The following TRPC6 variants were observed in gnomAD, a reference collection of about 807,000 sequenced individuals.
The protein encoded by TRPC6 is short transient receptor potential channel 6.
TRPC6 carries 55 observed loss-of-function variants against 90.7 expected under a neutral mutation model. That is an observed-to-expected ratio of 0.61 (90% CI 0.49 to 0.76). The LOEUF is 0.76. TRPC6 is among the 30% of genes least tolerant of loss of function. The probability of loss-of-function intolerance (pLI) is 0.00; values close to 1 mark genes in which losing one functional copy is unlikely to be tolerated. For missense variants in TRPC6, 989 were observed against 1,122.7 expected, an observed-to-expected ratio of 0.88 and a Z score of 1.70; for synonymous variants, 393 against 393.0, an observed-to-expected ratio of 1.00 and a Z score of 0.00.
chr11:101,504,487 A>G lies in TRPC6; in HGVS notation c.482T>C (p.Val161Ala). 1 of 1,613,996 alleles carries G rather than the reference A, an allele frequency of 6.2e-7. No homozygotes were observed. Among genetic ancestry groups the G allele is most frequent in the Non-Finnish European group, 8.5e-7 (1 of 1,179,986 alleles). Residue 161 changes from valine (V) to alanine (A), a missense_variant, in exon 2 of 13, where the codon GTT becomes GCT. Around this residue, in one of 4 missense-constraint regions of TRPC6, gnomAD observed 486 missense variants for 591.9 expected, o/e 0.82. Coordinates refer to ENST00000344327, the MANE Select transcript of TRPC6 (RefSeq NM_004621.6). ...LLLKKENLSR[V>A]GDALLLAISK... Reference sequence around the variant, plus strand: ...AATAGCTAGAAGCAAAGCATCCCCAACTCGAGAGAGGTTTTCTTTCTTGAG... The same window carrying G: ...AATAGCTAGAAGCAAAGCATCCCCAGCTCGAGAGAGGTTTTCTTTCTTGAG...
In TRPC6 at chr11:101,472,253, G is replaced by A. The variant is rs1381410936; in HGVS notation, c.2089C>T (p.His697Tyr). The change falls in exon 8 of 13, where the codon CAC (histidine) becomes TAC (tyrosine). Residue 697 changes from histidine (H) to tyrosine (Y), a missense_variant. Physicochemically the swap from His to Tyr is moderately conservative, Grantham distance 83. Around this residue, in one of 4 missense-constraint regions of TRPC6, gnomAD observed 118 missense variants for 197.6 expected, o/e 0.60. Coordinates refer to ENST00000344327, the MANE Select transcript of TRPC6 (RefSeq NM_004621.6). ...TAACCAATGTTTTCAATGAATTTGT[G>A]GTTATAGTTGATGACCACTGATTTC... ...EVKSVVINYN[H>Y]KFIENIGYVL... is the part of the protein sequence containing the mutation. 1 of 1,613,034 alleles carries A rather than the reference G, an allele frequency of 6.2e-7. No individual in the cohort carries two copies. The highest frequency in any genetic ancestry group is 1.3e-5 in the African/African-American group (1 of 74,842).
Position 101,453,694 on chromosome 11 carries a change from A to G in TRPC6, c.2600T>C (p.Val867Ala). 2.5e-6 allele frequency: 4 copies of G among 1,613,916 alleles called. No individual in the cohort carries two copies. The highest frequency in any genetic ancestry group is 3.4e-6 in the Non-Finnish European group (4 of 1,179,838). ...CTCCTTATCTATCTGGGCCTGCAGT[A>G]CATATCTTTTAATGAGCCTTTTCAT... is the stretch of plus-strand genomic sequence containing the variant. ...KIMKRLIKRY[V>A]LQAQIDKESD... Residue 867 changes from valine to alanine, a missense_variant, in exon 12 of 13, where the codon GTA (valine) becomes GCA (alanine). By Grantham distance (64) the Val-to-Ala change is moderately conservative (BLOSUM62 0). Around this residue, in one of 4 missense-constraint regions of TRPC6, gnomAD observed 191 missense variants for 196.7 expected, o/e 0.97. Transcript: ENST00000344327.
At chr11:101,516,753 T>C (rs887143363) in intron 1 of TRPC6, among the ~76,000 whole-genome samples, 13 of 152,204 alleles carry the variant, frequency 8.5e-5, no homozygotes, top group Admixed American at 3.9e-4. Flanking sequence ...ATGAATTTCA[T>C]CCTGGGAACG....
chr11:101,460,070 G>A (rs1230325485), intron 10 of TRPC6, among the ~76,000 whole-genome samples: 1 of 152,268 alleles, frequency 6.6e-6, no homozygotes, highest in South Asian at 2.1e-4. Context: ...GTTCAATACT[G>A]TTACTCTATC....
chr11:101,488,569 GC>G (rs1163440166), intron 4 of TRPC6, among the ~76,000 whole-genome samples: 4 of 152,272 alleles, frequency 2.6e-5, no homozygotes, highest in Admixed American at 2.0e-4. Flanking sequence ...TGAAATATAT[GC>G]TCAATGGTAC....
intron 1 of TRPC6, among the ~76,000 whole-genome samples, chr11:101,512,664 C>A (rs924607303): frequency 5.3e-5 from 8 of 152,060 alleles, no homozygotes; most frequent in Admixed American, 4.6e-4. Flanking sequence ...AGAACTGAGT[C>A]CTTGGGGATC....
chr11:101,501,128 CA>C (rs1860111955), intron 2 of TRPC6, among the ~76,000 whole-genome samples: 1 of 150,802 alleles, frequency 6.6e-6, no homozygotes, highest in African/African-American at 2.4e-5. Flanking sequence ...TACATACATA[CA>C]TACCATGAAC....
At chr11:101,460,068 C>A (rs1858971076) in intron 10 of TRPC6, among the ~76,000 whole-genome samples, 2 of 152,160 alleles carry the variant, frequency 1.3e-5, no homozygotes, top group Non-Finnish European at 2.9e-5. Context: ...TAGTTCAATA[C>A]TGTTACTCTA....
At chr11:101,553,040 A>C (rs1015913539) in intron 1 of TRPC6, among the ~76,000 whole-genome samples, 2 of 152,132 alleles carry the variant, frequency 1.3e-5, no homozygotes, top group Non-Finnish European at 2.9e-5. Context: ...GGGTTTGCAG[A>C]AATTCAGGAA....
intron 8 of TRPC6, 38 bp from the exon 9 acceptor site, chr11:101,471,424 A>G: frequency 6.2e-7 from 1 of 1,602,918 alleles, no homozygotes; most frequent in East Asian, 2.2e-5. Flanking sequence ...AAGGAAATGC[A>G]TAAACAGAAT....
intron 2 of TRPC6, among the ~76,000 whole-genome samples, chr11:101,498,848 A>G (rs868259164): frequency 8.5e-5 from 13 of 152,158 alleles, no homozygotes; most frequent in Admixed American, 7.2e-4. Context: ...TGTAGCAAGC[A>G]AGAGAGAGTC....
Position 101,582,383 on chromosome 11 carries a change from C to A in TRPC6, c.170+951G>T, listed in dbSNP as rs964289384. The stretch of plus-strand genomic sequence containing the variant: ...TATAGAGCTGAGAACCTCGGGAAAC[C>A]GCTTGCGGGTGGATGTGACAAGTCA... On this transcript the variant is annotated intron_variant, in intron 1 of 12. Coordinates refer to ENST00000344327, the MANE Select transcript of TRPC6 (RefSeq NM_004621.6). 2.6e-5 allele frequency among the ~76,000 whole-genome samples: 4 copies of A among 152,080 alleles called. No individual in the cohort carries two copies. In the South Asian group the frequency reaches 6.2e-4, roughly 24 times the overall value.
intron 1 of TRPC6, among the ~76,000 whole-genome samples, chr11:101,569,043 C>T (rs565207892): frequency 3.9e-5 from 6 of 152,134 alleles, no homozygotes; most frequent in African/African-American, 9.6e-5. Flanking sequence ...GCTAAATGCC[C>T]CAATTAAAAG....
chr11:101,484,591 T>G (rs1253057493), intron 4 of TRPC6, among the ~76,000 whole-genome samples: 1 of 107,786 alleles, frequency 9.3e-6, no homozygotes, highest in Non-Finnish European at 1.9e-5. Flanking sequence ...CTCTCTCTCA[T>G]GCTATGTGTG....
chr11:101,452,453 A>T lies in TRPC6; in HGVS notation c.*502T>A. On this transcript the variant is annotated 3_prime_UTR_variant, in exon 13 of 13. Transcript: ENST00000344327. The stretch of plus-strand genomic sequence containing the variant: ...ATGTGCATTGAGGGATAAGTAGGGT[A>T]AATGGTGTTTAAACAGCATTCTAAA... 6.2e-6 allele frequency: 1 copy of T among 161,222 alleles called. No individual in the cohort carries two copies. Among genetic ancestry groups the T allele is most frequent in the Non-Finnish European group, 1.4e-5 (1 of 72,800 alleles). The allele number at this position is 161,222 out of a possible 1,614,324, so 10.0% of individuals were successfully genotyped here. A position where few individuals can be genotyped will look rare whatever the true frequency, so the allele number is the denominator to read the frequency against.
Position 101,476,544 on chromosome 11 carries a change from A to G in TRPC6, c.1511-10T>C. 1 of 1,601,288 alleles carries G rather than the reference A, an allele frequency of 6.2e-7. No homozygotes were observed. Among genetic ancestry groups the G allele is most frequent in the Non-Finnish European group, 8.6e-7 (1 of 1,168,406 alleles). On this transcript the variant is annotated splice_polypyrimidine_tract_variant and intron_variant, in intron 5 of 12. Transcript: ENST00000344327. ...TCAGCCCATATCATGCCTGCATCAGAAAGGGGTTAAAATATCAATTCAATC... is the reference window on the plus strand; with the variant it reads ...TCAGCCCATATCATGCCTGCATCAGGAAGGGGTTAAAATATCAATTCAATC...
chr11:101,565,817 A>G (rs1861815616), intron 1 of TRPC6, among the ~76,000 whole-genome samples: 1 of 152,142 alleles, frequency 6.6e-6, no homozygotes, highest in Non-Finnish European at 1.5e-5. Context: ...TTCTTGGATA[A>G]ATACACAGTA....
chr11:101,551,795 A>T (rs7929416), intron 1 of TRPC6, among the ~76,000 whole-genome samples: 3 of 152,158 alleles, frequency 2.0e-5, no homozygotes, highest in East Asian at 1.9e-4. Flanking sequence ...AACAAACAGC[A>T]TTGGAAGATA....
intron 1 of TRPC6, among the ~76,000 whole-genome samples, chr11:101,570,774 T>C (rs1861945289): frequency 1.3e-5 from 2 of 152,040 alleles, no homozygotes; most frequent in South Asian, 4.2e-4. Flanking sequence ...ACAAAAACCA[T>C]GTGATGATCT....
Sources: allele counts gnomAD v4.1 joint callset (sites outside exome capture counted in the v4.1 genomes callset), GRCh38; gene constraint gnomAD v4.1.1; regional missense constraint gnomAD v4.1.1; transcripts MANE v1.5; gene names NCBI Gene and HGNC (gene_info 2026-07-23, HGNC 2026-07-21).